Variants in HYDIN observed in about 807,000 individuals in gnomAD.
HYDIN encodes the protein axonemal central pair apparatus protein HYDIN.
In HYDIN, 132 loss-of-function variants were observed where a neutral mutation model predicts 403.9. The observed-to-expected ratio is 0.33, with a 90% CI of 0.28 to 0.38. The LOEUF (loss-of-function observed/expected upper bound fraction) is 0.38, where lower values mean the gene tolerates loss of function less well. Among genes scored for constraint, HYDIN ranks in the 10% least tolerant of loss-of-function variants. The pLI is 1.00. For missense variants in HYDIN, 2,827 were observed against 5,009.5 expected (o/e 0.56, Z 13.15); for synonymous variants, 1,202 against 1,891.7 (o/e 0.64, Z 9.46).
chr16:71,066,937 T>C (rs1470469735), intron 15 of HYDIN: 2 of 642,016 alleles, frequency 3.1e-6, no homozygotes, highest in Non-Finnish European at 5.8e-6. Flanking sequence ...TGGAGCACTA[T>C]GTTGAAAGAT....
In HYDIN at chr16:70,803,103, G is replaced by A. The variant is rs1187481420; in HGVS notation, c.*4477C>T. 1.3e-5 allele frequency among the ~76,000 whole-genome samples: 2 copies of A among 152,124 alleles called. No individual in the cohort carries two copies. Among genetic ancestry groups the A allele is most frequent in the South Asian group, 2.1e-4 (1 of 4,826 alleles). Reference sequence around the variant, plus strand: ...TTTTTGGTTTGGCTTTTTCTTAGAGGTGAACTGAATTTCCCAAGGGTAATG... The same window carrying A: ...TTTTTGGTTTGGCTTTTTCTTAGAGATGAACTGAATTTCCCAAGGGTAATG... On this transcript the variant is annotated 3_prime_UTR_variant, in exon 86 of 86. Coordinates refer to ENST00000393567, the MANE Select transcript of HYDIN (RefSeq NM_001270974.2).
intron 1 of HYDIN, among the ~76,000 whole-genome samples, chr16:71,225,266 AC>A (rs2040982446): frequency 1.3e-5 from 2 of 152,174 alleles, no homozygotes; most frequent in Admixed American, 6.5e-5. Context: ...TTGAACCCAA[AC>A]CTGGGCCTGG....
chr16:71,114,908 G>C (rs192002091), intron 10 of HYDIN, among the ~76,000 whole-genome samples: 2,241 of 79,206 alleles, frequency 0.028, 208 homozygotes, highest in Non-Finnish European at 0.045. Flanking sequence ...GCACCCTCCT[G>C]GTTGCTCTGG....
intron 10 of HYDIN, among the ~76,000 whole-genome samples, chr16:71,095,802 AT>A (rs1316288699): frequency 1.6e-5 from 2 of 121,240 alleles, no homozygotes; most frequent in African/African-American, 6.4e-5. Flanking sequence ...TAAAGAGAAT[AT>A]GAATAAAATT....
chr16:71,087,247 C>A (rs2082957701), intron 12 of HYDIN, among the ~76,000 whole-genome samples: 1 of 152,108 alleles, frequency 6.6e-6, no homozygotes, highest in South Asian at 2.1e-4. Context: ...TAACAAAGTA[C>A]CCTAGACTGG....
In HYDIN at chr16:70,868,717, T is replaced by C. The variant is rs758764348; in HGVS notation, c.11163A>G (p.Leu3721=). The change falls in exon 66 of 86, where the codon CTA becomes CTG. Residue 3721 remains leucine (L), a synonymous_variant. Coordinates refer to ENST00000393567, the MANE Select transcript of HYDIN (RefSeq NM_001270974.2). ...GCTTGCACCTGATCCGCATATTCTT[T>C]AGGTTGATGGGTACATCTGACTTCA... ...VTMKSDVPIN[L]KNMRIRCKLS... 14 of 1,614,112 alleles carry C rather than the reference T, an allele frequency of 8.7e-6. No individual in the cohort carries two copies. The highest frequency in any genetic ancestry group is 2.2e-5 in the East Asian group (1 of 44,864).
At chr16:71,214,643 G>GGACA (rs2088778670) in intron 1 of HYDIN, among the ~76,000 whole-genome samples, 2 of 152,136 alleles carry the variant, frequency 1.3e-5, no homozygotes, top group Admixed American at 1.3e-4. Flanking sequence ...GAAGTGTGAA[G>GGACA]GACATATTCC....
At chr16:71,106,076 C>T (rs2083604239) in intron 10 of HYDIN, among the ~76,000 whole-genome samples, 1 of 151,938 alleles carries the variant, frequency 6.6e-6, no homozygotes, top group Non-Finnish European at 1.5e-5. Context: ...GCAGAAAGTC[C>T]AATGTCCTTA....
At chr16:71,188,333 A>G (rs2087255806) in intron 1 of HYDIN, among the ~76,000 whole-genome samples, 1 of 152,120 alleles carries the variant, frequency 6.6e-6, no homozygotes, top group Admixed American at 6.6e-5. Context: ...AAGCCTCATT[A>G]TGTGAACCAT....
At chr16:71,220,652 T>G (rs191913307) in intron 1 of HYDIN, among the ~76,000 whole-genome samples, 113 of 152,318 alleles carry the variant, frequency 7.4e-4, no homozygotes, top group Admixed American at 2.1e-3. Context: ...ACTCTGATGC[T>G]CTCAATAAAT....
chr16:70,965,917 C>T (rs1176516788), intron 36 of HYDIN, among the ~76,000 whole-genome samples: 1 of 152,144 alleles, frequency 6.6e-6, no homozygotes, highest in Non-Finnish European at 1.5e-5. Context: ...CTGGGAAAGA[C>T]ACATTGACCA....
At chr16:71,027,263 G>A (rs2080740491) in intron 20 of HYDIN, 1 of 1,185,692 alleles carries the variant, frequency 8.4e-7, no homozygotes, top group South Asian at 1.9e-5. Flanking sequence ...CTTTTTGAAT[G>A]AATATTAAAT....
intron 1 of HYDIN, among the ~76,000 whole-genome samples, chr16:71,194,572 A>T (rs1460426559): frequency 6.6e-6 from 1 of 152,206 alleles, no homozygotes; most frequent in African/African-American, 2.4e-5. Flanking sequence ...AATAATGGAG[A>T]TAACAATAAA....
intron 41 of HYDIN, among the ~76,000 whole-genome samples, chr16:70,947,467 T>G (rs2077909950): frequency 1.3e-5 from 2 of 151,932 alleles, no homozygotes; most frequent in South Asian, 4.2e-4. Flanking sequence ...GATTTTTGCA[T>G]CAATGTTCAT....
At chr16:71,051,481 C>A (rs1260159828) in intron 18 of HYDIN, among the ~76,000 whole-genome samples, 3 of 151,844 alleles carry the variant, frequency 2.0e-5, no homozygotes, top group African/African-American at 7.2e-5. Context: ...CCCGTCTCTA[C>A]TAAAAATACA....
At chr16:70,975,051 GTGTGC>G (rs2078848461) in intron 31 of HYDIN, 80 bp downstream of exon 31, 3 of 440,306 alleles carry the variant, frequency 6.8e-6, no homozygotes, top group Non-Finnish European at 1.2e-5. Flanking sequence ...GTTTCCGGGA[GTGTGC>G]TGCACGAGGC....
chr16:70,922,610 C>T (rs2077027948), intron 45 of HYDIN, among the ~76,000 whole-genome samples: 1 of 151,730 alleles, frequency 6.6e-6, no homozygotes, highest in Non-Finnish European at 1.5e-5. Flanking sequence ...CAAAATGAAG[C>T]TGTTCATTTG....
intron 75 of HYDIN, among the ~76,000 whole-genome samples, chr16:70,847,671 G>A (rs1256184376): frequency 3.3e-5 from 5 of 150,706 alleles, no homozygotes; most frequent in East Asian, 3.9e-4. Flanking sequence ...TCAGGCCTCC[G>A]AAGTTTCTAA....
intron 13 of HYDIN, among the ~76,000 whole-genome samples, chr16:71,071,915 A>C (rs1329766947): frequency 3.9e-5 from 6 of 152,220 alleles, no homozygotes; most frequent in Non-Finnish European, 7.3e-5. Flanking sequence ...TAGTAAAGTA[A>C]AAATCTCCAC....
Sources: allele counts gnomAD v4.1 joint callset (sites outside exome capture counted in the v4.1 genomes callset), GRCh38; gene constraint gnomAD v4.1.1; transcripts MANE v1.5; gene names NCBI Gene and HGNC (gene_info 2026-07-23, HGNC 2026-07-21).